PFKFB3: variants seen among roughly 807,000 people sequenced by gnomAD.
The protein encoded by PFKFB3 is 6-phosphofructo-2-kinase/fructose-2,6-biphosphatase 3.
PFKFB3 carries 33 observed loss-of-function variants against 68.0 expected under a neutral mutation model. That is an observed-to-expected ratio of 0.49 (90% CI 0.37 to 0.65). The LOEUF is 0.65. PFKFB3 is among the 30% of genes least tolerant of loss of function. The pLI is 0.00. For synonymous variants in PFKFB3, 315 were observed against 288.2 expected (o/e 1.09, Z -0.94); for missense variants, 586 against 712.2 (o/e 0.82, Z 2.02).
intron 1 of PFKFB3, among the ~76,000 whole-genome samples, chr10:6,147,885 G>A (rs1841446011): frequency 6.7e-6 from 1 of 150,318 alleles, no homozygotes; most frequent in African/African-American, 2.5e-5. Context: ...ACACAGAGCT[G>A]GGTGGATTTC....
At chr10:6,173,887 T>C (rs906394585) in intron 1 of PFKFB3, among the ~76,000 whole-genome samples, 18 of 152,060 alleles carry the variant, frequency 1.2e-4, no homozygotes, top group African/African-American at 3.9e-4. Context: ...GATGAGTCCC[T>C]GTCAGCGGAA....
the PFKFB3 span, among the ~76,000 whole-genome samples, chr10:6,291,330 C>T: frequency 6.6e-6 from 1 of 152,078 alleles, no homozygotes; most frequent in Non-Finnish European, 1.5e-5. Flanking sequence ...CTTTGGGAGG[C>T]CAAGGTGGGC....
intron 1 of PFKFB3, among the ~76,000 whole-genome samples, chr10:6,157,479 G>T (rs1329916556): frequency 1.3e-5 from 2 of 152,192 alleles, no homozygotes; most frequent in Admixed American, 6.5e-5. Context: ...GCCCGCCTCG[G>T]CCTCCCAAAG....
chr10:6,231,114 G>A (rs977514976), intron 14 of PFKFB3: 42 of 670,530 alleles, frequency 6.3e-5, no homozygotes, highest in Non-Finnish European at 1.1e-4. Flanking sequence ...GGCTGTGCCG[G>A]CTGCTTGGGA....
chr10:6,295,849 G>A, the PFKFB3 span, among the ~76,000 whole-genome samples: 1 of 152,166 alleles, frequency 6.6e-6, no homozygotes, highest in Non-Finnish European at 1.5e-5. Flanking sequence ...TCACAATGGA[G>A]ACCTGGTGGA....
intron 1 of PFKFB3, among the ~76,000 whole-genome samples, chr10:6,170,185 A>G (rs1241139693): frequency 1.3e-5 from 2 of 152,204 alleles, no homozygotes; most frequent in African/African-American, 4.8e-5. Flanking sequence ...GGAAATAGAT[A>G]TTTAATCCCC....
At chr10:6,292,185 C>G in the PFKFB3 span, among the ~76,000 whole-genome samples, 3 of 149,826 alleles carry the variant, frequency 2.0e-5, no homozygotes, top group Admixed American at 2.0e-4. Flanking sequence ...AACTCCTGAT[C>G]TCAAGTGATC....
chr10:6,194,795 G>GCA (rs1843131267), intron 1 of PFKFB3, among the ~76,000 whole-genome samples: 1 of 152,108 alleles, frequency 6.6e-6, no homozygotes, highest in South Asian at 2.1e-4. Flanking sequence ...TGCACTTAGA[G>GCA]CTTCACTCTG....
At chr10:6,175,173 T>C (rs1328861892) in intron 1 of PFKFB3, among the ~76,000 whole-genome samples, 2 of 152,170 alleles carry the variant, frequency 1.3e-5, no homozygotes, top group East Asian at 3.9e-4. Flanking sequence ...CAAACCTCAG[T>C]TTTACCCCCT....
intron 1 of PFKFB3, among the ~76,000 whole-genome samples, chr10:6,206,535 A>G (rs1356308500): frequency 8.2e-6 from 1 of 122,122 alleles, no homozygotes. Context: ...GCGGCCGGGC[A>G]GAGGCGCCCC....
At chr10:6,197,119 G>C (rs1008525219) in intron 1 of PFKFB3, among the ~76,000 whole-genome samples, 4 of 151,876 alleles carry the variant, frequency 2.6e-5, no homozygotes, top group African/African-American at 9.7e-5. Flanking sequence ...CAAGTAGCTA[G>C]GATTATAGGT....
the PFKFB3 span, among the ~76,000 whole-genome samples, chr10:6,263,121 G>GTAT: frequency 6.6e-6 from 1 of 152,206 alleles, no homozygotes. Context: ...ATTTACCCAC[G>GTAT]TATTTATTAA....
chr10:6,192,003 C>A (rs1335014711), intron 1 of PFKFB3, among the ~76,000 whole-genome samples: 3 of 126,154 alleles, frequency 2.4e-5, no homozygotes, highest in Non-Finnish European at 5.2e-5. Flanking sequence ...TGTATTCAAT[C>A]AATCCCTAGA....
chr10:6,223,204 G>A (rs560869352), intron 11 of PFKFB3, among the ~76,000 whole-genome samples: 30 of 152,256 alleles, frequency 2.0e-4, no homozygotes, highest in African/African-American at 2.6e-4. Context: ...GGTTGATGCC[G>A]GGGACTTCAT....
At chr10:6,161,431 TC>T (rs1404788368) in intron 1 of PFKFB3, among the ~76,000 whole-genome samples, 3 of 152,174 alleles carry the variant, frequency 2.0e-5, no homozygotes, top group African/African-American at 7.2e-5. Flanking sequence ...TCCTTTGCAG[TC>T]ACTCACAAAG....
At chr10:6,272,301 T>C in the PFKFB3 span, among the ~76,000 whole-genome samples, 1 of 152,194 alleles carries the variant, frequency 6.6e-6, no homozygotes, top group Admixed American at 6.5e-5. Context: ...GGCTGTCTAG[T>C]GAAGGTGATC....
rs576782752 is a variant in PFKFB3 at position 6,216,429 on chromosome 10, G to GCCCTTCCTTGTACACTGT, written c.366+242_367-256dup. Among the ~76,000 whole-genome samples, 350 of 152,304 alleles carry GCCCTTCCTTGTACACTGT rather than the reference G, an allele frequency of 2.3e-3. 17 individuals carry two copies. The South Asian group carries it at 0.07, about 30-fold the overall frequency. On this transcript the variant is annotated intron_variant, in intron 4 of 14. Transcript: ENST00000379775. Reference sequence around the variant, plus strand: ...ACTCGAGTTACCCACAGGACCACTGGCCCTTCCTTGTACACTGTCCCATTG... The same window carrying GCCCTTCCTTGTACACTGT: ...ACTCGAGTTACCCACAGGACCACTGGCCCTTCCTTGTACACTGTCCCTTCCTTGTACACTGTCCCATTG...
chr10:6,217,886 A>G (rs774710849), intron 6 of PFKFB3, among the ~76,000 whole-genome samples: 1 of 152,232 alleles, frequency 6.6e-6, no homozygotes, highest in Non-Finnish European at 1.5e-5. Context: ...TGACAATTCT[A>G]TAAAGAAAAG....
At chr10:6,209,957 G>C (rs1371715136) in intron 1 of PFKFB3, among the ~76,000 whole-genome samples, 2 of 151,768 alleles carry the variant, frequency 1.3e-5, no homozygotes, top group South Asian at 4.2e-4. Flanking sequence ...ATAGAGATGG[G>C]GTTTCGCTGT....
Sources: allele counts gnomAD v4.1 joint callset (sites outside exome capture counted in the v4.1 genomes callset), GRCh38; gene constraint gnomAD v4.1.1; transcripts MANE v1.5; gene names NCBI Gene and HGNC (gene_info 2026-07-23, HGNC 2026-07-21).